PITHD1: variants seen among roughly 807,000 people sequenced by gnomAD.
The protein encoded by PITHD1 is PITH domain-containing protein 1.
A neutral mutation model predicts 27.5 loss-of-function variants in PITHD1; 8 were observed. The observed-to-expected ratio is 0.29, with a 90% confidence interval of 0.17 to 0.52. The LOEUF (loss-of-function observed/expected upper bound fraction) is 0.52, where lower values mean the gene tolerates loss of function less well. Among genes scored for constraint, PITHD1 ranks in the 20% least tolerant of loss-of-function variants. The pLI is 0.96. For synonymous variants in PITHD1, 118 were observed against 106.8 expected (o/e 1.10, Z -0.64); for missense variants, 233 against 283.9 (o/e 0.82, Z 1.29).
intron 3 of PITHD1, among the ~76,000 whole-genome samples, chr1:23,783,414 T>C (rs1638637131): frequency 7.3e-6 from 1 of 136,282 alleles, no homozygotes; most frequent in Non-Finnish European, 1.6e-5. Flanking sequence ...TATACACATA[T>C]ATATGCGTAT....
intron 3 of PITHD1, among the ~76,000 whole-genome samples, chr1:23,783,487 T>C (rs1203548568): frequency 6.6e-6 from 1 of 151,390 alleles, no homozygotes; most frequent in Non-Finnish European, 1.5e-5. Context: ...CGTTCTGCTC[T>C]GTTGCCTAGG....
At chr1:23,787,073 G>A (rs909767956) in intron 5 of PITHD1, among the ~76,000 whole-genome samples, 13 of 152,168 alleles carry the variant, frequency 8.5e-5, no homozygotes, top group Non-Finnish European at 1.8e-4. Flanking sequence ...GTGAATCAAT[G>A]ATAATGATCT....
intron 3 of PITHD1, among the ~76,000 whole-genome samples, chr1:23,783,621 T>A (rs1003627546): frequency 2.0e-5 from 3 of 151,680 alleles, no homozygotes; most frequent in Non-Finnish European, 2.9e-5. Context: ...CTGGCTAATT[T>A]TTTTTTTATT....
At position 23,779,494 on chromosome 1, in the gene PITHD1, T is replaced by C. The variant is rs766070458; in HGVS notation, c.242+13T>C. On this transcript the variant is annotated intron_variant, in intron 2 of 5. Coordinates refer to ENST00000246151, the MANE Select transcript of PITHD1 (RefSeq NM_020362.5). ...TGTTTAATATTCCGTAAGTATCTCC[T>C]TGGTGCCTACCTCAGGCTAAATAGG... 6.9e-6 allele frequency: 11 copies of C among 1,604,370 alleles called. No homozygotes were observed. The South Asian group carries it at 1.2e-4, about 18-fold the overall frequency.
At position 23,779,430 on chromosome 1, in the gene PITHD1, C is replaced by A; in HGVS notation, c.199-8C>A. On this transcript the variant is annotated splice_region_variant and splice_polypyrimidine_tract_variant and intron_variant, in intron 1 of 5. Coordinates refer to ENST00000246151, the MANE Select transcript of PITHD1 (RefSeq NM_020362.5). ...TGCTTTCTCCTCCCCCCTCCCCATC[C>A]CCTCCAGTTTGTTGAAAGTGATGCA... The A allele has an allele frequency of 6.2e-7, 1 of 1,610,258 alleles. No homozygotes were observed. Among genetic ancestry groups the A allele is most frequent in the Non-Finnish European group, 8.5e-7 (1 of 1,176,506 alleles).
chr1:23,785,411 TGAA>T (rs1638667555), intron 3 of PITHD1: 1 of 255,140 alleles, frequency 3.9e-6, no homozygotes, highest in Non-Finnish European at 7.9e-6. Flanking sequence ...GAGAGTCACT[TGAA>T]CCTGGGAGGT....
chr1:23,782,394 G>A (rs574095085), intron 3 of PITHD1, among the ~76,000 whole-genome samples: 1 of 150,584 alleles, frequency 6.6e-6, no homozygotes, highest in Non-Finnish European at 1.5e-5. Flanking sequence ...ACTCCAACAT[G>A]TGTGACAGTG....
chr1:23,786,676 G>A (rs190282698), intron 5 of PITHD1, among the ~76,000 whole-genome samples: 5 of 149,734 alleles, frequency 3.3e-5, no homozygotes, highest in Non-Finnish European at 5.9e-5. Flanking sequence ...TGCGACCTCC[G>A]CCTCCCAGGT....
chr1:23,779,589 A>G (rs2148398843), intron 2 of PITHD1, 108 bp downstream of exon 2: 1 of 910,254 alleles, frequency 1.1e-6, no homozygotes, highest in Non-Finnish European at 1.8e-6. Flanking sequence ...TAGAAATGGG[A>G]TAAATTACTT....
At chr1:23,782,311 C>G (rs937643154) in intron 3 of PITHD1, among the ~76,000 whole-genome samples, 2 of 151,808 alleles carry the variant, frequency 1.3e-5, no homozygotes, top group African/African-American at 4.8e-5. Flanking sequence ...CCCAGCTATT[C>G]GGGAGGCTGA....
At position 23,786,369 on chromosome 1, in the gene PITHD1, C is replaced by G; in HGVS notation, c.480C>G (p.Phe160Leu). ...TCTCAATTCATATTTCAAAAAACTT[C>G]GGAGCAGATACGACAAAGGTCTTTT... ...YHLSIHISKN[F>L]GADTTKVFYI... Residue 160 changes from phenylalanine (F) to leucine (L), a missense_variant, in exon 5 of 6, where the codon TTC becomes TTG. Phe to Leu is a conservative substitution (Grantham distance 22). Transcript: ENST00000246151. 1 of 1,606,340 alleles carries G rather than the reference C, an allele frequency of 6.2e-7. No individual in the cohort carries two copies. The highest frequency in any genetic ancestry group is 8.5e-7 in the Non-Finnish European group (1 of 1,173,920).
Position 23,778,459 on chromosome 1 carries a change from C to A in PITHD1, c.-57C>A. 8.0e-7 allele frequency: 1 copy of A among 1,249,582 alleles called. No individual in the cohort carries two copies. The highest frequency in any genetic ancestry group is 1.0e-6 in the Non-Finnish European group (1 of 975,638). 77.4% of individuals were successfully genotyped at this position (1,249,582 alleles called of 1,614,324 possible). On this transcript the variant is annotated 5_prime_UTR_variant, in exon 1 of 6. Coordinates refer to ENST00000246151, the MANE Select transcript of PITHD1 (RefSeq NM_020362.5). Reference sequence around the variant, plus strand: ...CGGCGCGGAGCTGGTCTGAGGCGAGCCGAGCCGAGCGAGCGCGGCGGTGGG... The same window carrying A: ...CGGCGCGGAGCTGGTCTGAGGCGAGACGAGCCGAGCGAGCGCGGCGGTGGG...
At chr1:23,786,472 A>C in intron 5 of PITHD1, 49 bp downstream of exon 5, 1 of 789,954 alleles carries the variant, frequency 1.3e-6, no homozygotes. Context: ...ATATCTGCAC[A>C]CTGTGGTGAT....
In PITHD1 at chr1:23,787,367, T is replaced by C. The variant is rs772661625; in HGVS notation, c.627T>C (p.Phe209=). 2.5e-5 allele frequency: 40 copies of C among 1,593,334 alleles called. No homozygotes were observed. The highest frequency in any genetic ancestry group is 3.4e-5 in the Non-Finnish European group (40 of 1,162,062). The change falls in exon 6 of 6, where the codon TTT becomes TTC. Residue 209 remains phenylalanine, a synonymous_variant. Transcript: ENST00000246151. ...RVHQVTPQTH[F]IS ...ATCAGGTTACCCCACAGACACACTTTATTTCCTAAGGGCTGGCCAAGGCTC... is the reference window on the plus strand; with the variant it reads ...ATCAGGTTACCCCACAGACACACTTCATTTCCTAAGGGCTGGCCAAGGCTC...
chr1:23,782,353 A>C (rs543826427), intron 3 of PITHD1, among the ~76,000 whole-genome samples: 34 of 151,926 alleles, frequency 2.2e-4, no homozygotes, highest in Non-Finnish European at 4.7e-4. Context: ...CGGGAGGCGG[A>C]GGTTGCAGTG....
At chr1:23,783,412 T>C (rs200131347) in intron 3 of PITHD1, among the ~76,000 whole-genome samples, 26 of 113,892 alleles carry the variant, frequency 2.3e-4, no homozygotes, top group Middle Eastern at 4.6e-3. Context: ...TATATACACA[T>C]ATATATGCGT....
In PITHD1 at chr1:23,787,762, T is replaced by A. The variant is rs1261358762; in HGVS notation, c.*386T>A. ...TTGTTTTTTTAAAGGAAACTATTTG[T>A]GGGCTATAGGAAACTTTCTGATGCC... On this transcript the variant is annotated 3_prime_UTR_variant, in exon 6 of 6. Coordinates refer to ENST00000246151, the MANE Select transcript of PITHD1 (RefSeq NM_020362.5). 1 of 157,018 alleles carries A rather than the reference T, an allele frequency of 6.4e-6. No individual in the cohort carries two copies. The highest frequency in any genetic ancestry group is 1.4e-5 in the Non-Finnish European group (1 of 71,102). 9.7% of individuals were successfully genotyped at this position (157,018 alleles called of 1,614,324 possible).
At chr1:23,783,361 A>G (rs1360876509) in intron 3 of PITHD1, among the ~76,000 whole-genome samples, 1 of 137,406 alleles carries the variant, frequency 7.3e-6, no homozygotes, top group Non-Finnish European at 1.6e-5. Flanking sequence ...ATATACGCAT[A>G]TATATATACA....
rs981295727 is a variant in PITHD1, at chr1:23,788,082, T to C, written c.*706T>C. On this transcript the variant is annotated 3_prime_UTR_variant, in exon 6 of 6. Transcript: ENST00000246151. ...TCTGGTCAGTAAGATTGAGACTTAG[T>C]TAAGATTCCCCTTGGAAATTCCTTA... 3.3e-5 allele frequency: 5 copies of C among 152,206 alleles called. No homozygotes were observed. Among genetic ancestry groups the C allele is most frequent in the Non-Finnish European group, 7.3e-5 (5 of 68,048 alleles). 9.4% of individuals were successfully genotyped at this position (152,206 alleles called of 1,614,324 possible).
Sources: gnomAD v4.1 joint callset for allele counts (sites outside exome capture counted in the v4.1 genomes callset) on GRCh38, gnomAD v4.1.1 for gene constraint, MANE v1.5 for transcripts, NCBI Gene and HGNC (gene_info 2026-07-23, HGNC 2026-07-21) for gene names.